CD109: variants seen among roughly 807,000 people sequenced by gnomAD.
The protein encoded by CD109 is CD109 molecule, also known as CD109 antigen.
In CD109, 149 loss-of-function variants were observed where a neutral mutation model predicts 165.8. That is an observed-to-expected ratio of 0.90 (90% CI 0.79 to 1.03). CD109 has a LOEUF of 1.03. Ranked by LOEUF, CD109 falls within the 50% of genes least tolerant of loss-of-function variation. The pLI, the probability that CD109 is intolerant of heterozygous loss-of-function variation, is 0.00. For missense variants in CD109, 1,712 were observed against 1,677.8 expected (o/e 1.02, Z -0.36); for synonymous variants, 585 against 592.1 (o/e 0.99, Z 0.18).
intron 5 of CD109, among the ~76,000 whole-genome samples, chr6:73,737,467 CG>C (rs1725111504): frequency 6.6e-6 from 1 of 150,402 alleles, no homozygotes; most frequent in African/African-American, 2.4e-5. Flanking sequence ...GAAGCTCTAC[CG>C]AATGAATGTA....
chr6:73,790,631 G>A (rs185910907), intron 22 of CD109, among the ~76,000 whole-genome samples: 1 of 152,292 alleles, frequency 6.6e-6, no homozygotes, highest in Admixed American at 6.5e-5. Flanking sequence ...CAGAGGAGCT[G>A]ATGATGTAAA....
chr6:73,796,289 G>A (rs1035203351), intron 23 of CD109, among the ~76,000 whole-genome samples: 7 of 152,146 alleles, frequency 4.6e-5, no homozygotes, highest in Non-Finnish European at 8.8e-5. Context: ...GGGTGATCTG[G>A]CTTGGCCTCC....
intron 23 of CD109, among the ~76,000 whole-genome samples, chr6:73,793,383 G>T (rs1260384277): frequency 2.6e-5 from 4 of 152,224 alleles, no homozygotes; most frequent in Admixed American, 2.0e-4. Flanking sequence ...ACAGGCACCA[G>T]ATCCTTTGTT....
At chr6:73,811,180 T>C (rs1346062480) in intron 28 of CD109, 33 bp downstream of exon 28, 4 of 1,596,366 alleles carry the variant, frequency 2.5e-6, no homozygotes, top group Non-Finnish European at 3.4e-6. Flanking sequence ...TAAAAATCAG[T>C]GTAGACAATT....
intron 15 of CD109, among the ~76,000 whole-genome samples, chr6:73,777,459 T>G (rs1774294625): frequency 6.6e-6 from 1 of 152,194 alleles, no homozygotes; most frequent in South Asian, 2.1e-4. Flanking sequence ...TTTTTGCTTT[T>G]GTTGCAATTG....
Position 73,773,974 on chromosome 6 carries a change from A to G in CD109, c.1827+2393A>G, listed in dbSNP as rs374406824. Among the ~76,000 whole-genome samples, 168 of 152,264 alleles carry G rather than the reference A, an allele frequency of 1.1e-3. 1 individual carries two copies. Among genetic ancestry groups the G allele is most frequent in the African/African-American group, 3.9e-3 (162 of 41,558 alleles). The stretch of plus-strand genomic sequence containing the variant: ...GTTTCTCTGGGAGAGTTCTTCAGTC[A>G]ACTCAGCTTAGTGATCATTCATTAG... On this transcript the variant is annotated intron_variant, in intron 15 of 32. Coordinates refer to ENST00000287097, the MANE Select transcript of CD109 (RefSeq NM_133493.5).
chr6:73,781,816 G>GACACACACACACACACACACAC (rs796262663), intron 17 of CD109, among the ~76,000 whole-genome samples: 1 of 62,868 alleles, frequency 1.6e-5, no homozygotes, highest in East Asian at 4.7e-4. Flanking sequence ...CACACACGCA[G>GACACACACACACACACACACAC]ACACACACAC....
chr6:73,687,948 T>G, the CD109 span, among the ~76,000 whole-genome samples: 1 of 152,348 alleles, frequency 6.6e-6, no homozygotes, highest in South Asian at 2.1e-4. Flanking sequence ...ATTTTGAGGT[T>G]GTTTCTTTGC....
chr6:73,756,562 G>T, intron 5 of CD109, 81 bp from the exon 6 acceptor site: 3 of 890,862 alleles, frequency 3.4e-6, no homozygotes, highest in East Asian at 2.8e-5. Context: ...TTTCTAAATT[G>T]TTTTATGCAA....
In CD109 at chr6:73,780,445, T is replaced by C. The variant is rs959376064; in HGVS notation, c.1849T>C (p.Tyr617His). The C allele has an allele frequency of 1.2e-6, 2 of 1,607,676 alleles. No individual in the cohort carries two copies. Among genetic ancestry groups the C allele is most frequent in the African/African-American group, 1.3e-5 (1 of 74,862 alleles). ...MENVVHELEL[Y>H]NTGYYLGMFM... Reference sequence around the variant, plus strand: ...TTAGGTGGTCCATGAGTTGGAACTTTATAACACAGGATATTATTTAGGCAT... The same window carrying C: ...TTAGGTGGTCCATGAGTTGGAACTTCATAACACAGGATATTATTTAGGCAT... Residue 617 changes from tyrosine to histidine, a missense_variant, in exon 16 of 33, where the codon TAT (tyrosine) becomes CAT (histidine). Tyr to His is a moderately conservative substitution (Grantham distance 83). Coordinates refer to ENST00000287097, the MANE Select transcript of CD109 (RefSeq NM_133493.5).
intron 2 of CD109, among the ~76,000 whole-genome samples, chr6:73,713,613 A>G (rs1771614036): frequency 1.3e-5 from 2 of 152,058 alleles, no homozygotes; most frequent in South Asian, 4.2e-4. Context: ...AGATAAGGTC[A>G]TGTGTCTGAG....
chr6:73,696,011 G>T (rs906552551), upstream of CD109: 120 of 540,830 alleles, frequency 2.2e-4, no homozygotes, highest in Non-Finnish European at 3.9e-5. Context: ...AGCGAGAAGC[G>T]CCATTGTAAT....
At chr6:73,782,535 C>T in intron 17 of CD109, 79 bp from the exon 18 acceptor site, 1 of 1,369,138 alleles carries the variant, frequency 7.3e-7, no homozygotes, top group Non-Finnish European at 1.0e-6. Context: ...AAGTGATTGA[C>T]ATTCATTTTG....
chr6:73,712,657 C>T (rs1319061448), intron 2 of CD109, among the ~76,000 whole-genome samples: 1 of 152,168 alleles, frequency 6.6e-6, no homozygotes, highest in African/African-American at 2.4e-5. Context: ...ATGCTTATTA[C>T]ACAATTTAAA....
chr6:73,822,126 G>A (rs1776128158), intron 32 of CD109, among the ~76,000 whole-genome samples: 1 of 152,172 alleles, frequency 6.6e-6, no homozygotes, highest in Admixed American at 6.5e-5. Flanking sequence ...AATTTAGGAC[G>A]TAAAAATAGA....
chr6:73,791,174 T>TAC (rs1562071004), intron 22 of CD109, among the ~76,000 whole-genome samples: 5 of 30,716 alleles, frequency 1.6e-4, no homozygotes, highest in African/African-American at 2.4e-4. Flanking sequence ...TATATATATA[T>TAC]ATACACACAC....
chr6:73,734,866 T>C (rs1234869513), intron 4 of CD109, among the ~76,000 whole-genome samples: 2 of 152,208 alleles, frequency 1.3e-5, no homozygotes, highest in Admixed American at 6.5e-5. Flanking sequence ...TAATAAAATA[T>C]AGATTTTTGG....
chr6:73,717,341 A>G lies in CD109; in HGVS notation c.248-5910A>G, dbSNP rs181900149. ...CCATTGGTATTTTGATAGAGATTGC[A>G]TTAAATCTATAGATTGCTTTAGGCA... On this transcript the variant is annotated intron_variant, in intron 2 of 32. Transcript: ENST00000287097. Among the ~76,000 whole-genome samples, 372 of 151,942 alleles carry G rather than the reference A, an allele frequency of 2.4e-3. 2 individuals are homozygous for G. Among genetic ancestry groups the G allele is most frequent in the African/African-American group, 8.5e-3 (354 of 41,430 alleles).
intron 3 of CD109, among the ~76,000 whole-genome samples, chr6:73,728,391 ACT>A (rs1772219734): frequency 6.6e-6 from 1 of 152,194 alleles, no homozygotes; most frequent in East Asian, 1.9e-4. Context: ...AAGGTGACAT[ACT>A]GATTGTTTTT....
Sources: gnomAD v4.1 joint callset for allele counts (sites outside exome capture counted in the v4.1 genomes callset) on GRCh38, gnomAD v4.1.1 for gene constraint, MANE v1.5 for transcripts, NCBI Gene and HGNC (gene_info 2026-07-23, HGNC 2026-07-21) for gene names.